ANGPTL1: variants seen among roughly 807,000 people sequenced by gnomAD.
ANGPTL1 encodes angiopoietin-related protein 1.
In ANGPTL1, 36 loss-of-function variants were observed where a neutral mutation model predicts 46.7. That is an observed-to-expected ratio of 0.77 (90% CI 0.59 to 1.02). The LOEUF (loss-of-function observed/expected upper bound fraction) is 1.02. ANGPTL1 is among the 50% of genes least tolerant of loss of function. The pLI, the probability that ANGPTL1 is intolerant of heterozygous loss-of-function variation, is 0.00. For synonymous variants in ANGPTL1, 221 were observed against 204.3 expected, an observed-to-expected ratio of 1.08 and a Z score of -0.69; for missense variants, 571 against 594.7, an observed-to-expected ratio of 0.96 and a Z score of 0.41.
chr1:178,857,249 G>C (rs1375124983), intron 3 of ANGPTL1, among the ~76,000 whole-genome samples: 1 of 152,158 alleles, frequency 6.6e-6, no homozygotes, highest in Admixed American at 6.5e-5. Context: ...CTTTCAGTAT[G>C]TATCCACAGT....
Position 178,865,501 on chromosome 1 carries a change from G to GAGCA in ANGPTL1, c.272_275dup (p.Ser93AlafsTer24). On this transcript the variant is annotated frameshift_variant, in exon 3 of 6. Transcript: ENST00000234816. LOFTEE classifies it high-confidence loss of function. ...CATCTATCTCCCGCTTCTGCCTGGA[G>GAGCA]AGCACATCCTTCAGGTTTTCAAGGT... 1 of 1,614,064 alleles carries GAGCA rather than the reference G, an allele frequency of 6.2e-7. No homozygotes were observed.
intron 2 of ANGPTL1, among the ~76,000 whole-genome samples, chr1:178,866,964 G>C (rs560468955): frequency 7.9e-5 from 12 of 152,194 alleles, no homozygotes; most frequent in Admixed American, 6.6e-4. Context: ...TGTTCACTCT[G>C]TCAGATCTAC....
chr1:178,856,198 G>GATATATATATATATAT (rs1232946834), intron 3 of ANGPTL1, among the ~76,000 whole-genome samples: 7 of 47,266 alleles, frequency 1.5e-4, no homozygotes, highest in African/African-American at 4.3e-4. Flanking sequence ...TCCAGAGAGA[G>GATATATATATATATAT]AGAGATATAT....
At position 178,853,691 on chromosome 1, in the gene ANGPTL1, A is replaced by G; in HGVS notation, c.920T>C (p.Leu307Ser). The G allele has an allele frequency of 6.2e-7, 1 of 1,613,192 alleles. No individual in the cohort carries two copies. Among genetic ancestry groups the G allele is most frequent in the African/African-American group, 1.3e-5 (1 of 74,918 alleles). The change falls in exon 4 of 6, where the codon TTA becomes TCA. Residue 307 changes from leucine (L) to serine (S), a missense_variant. Physicochemically the swap from Leu to Ser is moderately radical, Grantham distance 145 (BLOSUM62 -2). Transcript: ENST00000234816. ...KPENSNGPMQLWCENSLDPGG... is the reference protein window; with the variant it reads ...KPENSNGPMQSWCENSLDPGG... Reference sequence around the variant, plus strand: ...AGGGTCCAAACTGTTTTCACACCATAACTGCATTGGTCCATTGCTGTTTTC... The same window carrying G: ...AGGGTCCAAACTGTTTTCACACCATGACTGCATTGGTCCATTGCTGTTTTC...
chr1:178,866,190 G>A (rs145980210), intron 2 of ANGPTL1, among the ~76,000 whole-genome samples: 1 of 152,066 alleles, frequency 6.6e-6, no homozygotes, highest in African/African-American at 2.4e-5. Context: ...TATGAAAATG[G>A]TACACAGTGT....
intron 2 of ANGPTL1, among the ~76,000 whole-genome samples, chr1:178,867,204 G>A (rs1384087104): frequency 6.6e-6 from 1 of 152,098 alleles, no homozygotes; most frequent in African/African-American, 2.4e-5. Flanking sequence ...TTCAGTGTTA[G>A]GCACTGTTTT....
In ANGPTL1 at chr1:178,851,410, T is replaced by TA; in HGVS notation, c.1289-95_1289-94insT. 8.9e-6 allele frequency: 10 copies of TA among 1,127,800 alleles called. No homozygotes were observed. The South Asian group carries it at 2.2e-4, about 25-fold the overall frequency. The allele number at this position is 1,127,800 out of a possible 1,614,324, so 69.9% of individuals were successfully genotyped here. On this transcript the variant is annotated intron_variant, in intron 5 of 5. Transcript: ENST00000234816. Reference sequence around the variant, plus strand: ...AACTTATTCTACCTTTAATTTGAACTTCCCTTACTAATCCCAGTTACCTTT... The same window carrying TA: ...AACTTATTCTACCTTTAATTTGAACTATCCCTTACTAATCCCAGTTACCTTT...
At position 178,864,938 on chromosome 1, in the gene ANGPTL1, G is replaced by A. The variant is rs757818010; in HGVS notation, c.823+16C>T. On this transcript the variant is annotated intron_variant, in intron 3 of 5. Coordinates refer to ENST00000234816, the MANE Select transcript of ANGPTL1 (RefSeq NM_004673.4). ...AAACCTCATACTCCCACTTTTTACA[G>A]TAAGAGGTAACTCACCTTCATTGAT... is the stretch of plus-strand genomic sequence containing the variant. 166 of 1,419,774 alleles carry A rather than the reference G, an allele frequency of 1.2e-4. No homozygotes were observed. The highest frequency in any genetic ancestry group is 1.5e-4 in the Non-Finnish European group (160 of 1,083,706). 87.9% of individuals were successfully genotyped at this position (1,419,774 alleles called of 1,614,324 possible). A position where few individuals can be genotyped will look rare whatever the true frequency, so the allele number is the denominator to read the frequency against.
intron 3 of ANGPTL1, among the ~76,000 whole-genome samples, chr1:178,862,593 T>TTTTATTTATTTA (rs57690079): frequency 1.2e-3 from 175 of 140,756 alleles, no homozygotes; most frequent in East Asian, 3.8e-3. Context: ...GTTGCATTTT[T>TTTTATTTATTTA]TTTATTTATT....
chr1:178,858,952 A>C lies in ANGPTL1; in HGVS notation c.824-5165T>G, dbSNP rs3820166. On this transcript the variant is annotated intron_variant, in intron 3 of 5. Transcript: ENST00000234816. ...AGAGCTTTCAAATTATTGGTTACCA[A>C]GTAGGATCTTTTGAGAGGTAAACTT... Among the ~76,000 whole-genome samples the C allele has an allele frequency of 9.2e-5, 14 of 152,356 alleles. No homozygotes were observed. The East Asian group carries it at 1.7e-3, about 19-fold the overall frequency.
At chr1:178,863,945 G>A (rs1658210186) in intron 3 of ANGPTL1, among the ~76,000 whole-genome samples, 1 of 152,102 alleles carries the variant, frequency 6.6e-6, no homozygotes, top group Non-Finnish European at 1.5e-5. Flanking sequence ...CATAGTATAT[G>A]TTTTATGTCC....
In ANGPTL1 at chr1:178,850,505, GTT is replaced by G. The variant is rs61036775; in HGVS notation, c.*622_*623del. The G allele has an allele frequency of 6.6e-6, 1 of 150,730 alleles. No homozygotes were observed. Among genetic ancestry groups the G allele is most frequent in the East Asian group, 1.9e-4 (1 of 5,162 alleles). 9.3% of individuals were successfully genotyped at this position (150,730 alleles called of 1,614,324 possible). On this transcript the variant is annotated 3_prime_UTR_variant, in exon 6 of 6. Coordinates refer to ENST00000234816, the MANE Select transcript of ANGPTL1 (RefSeq NM_004673.4). Reference sequence around the variant, plus strand: ...TAAATTATGCATGCATTATTTTTGGGTTTTTTTTTATTTTTAAAAATGATATG... The same window carrying G: ...TAAATTATGCATGCATTATTTTTGGGTTTTTTTATTTTTAAAAATGATATG...
chr1:178,865,929 C>A, intron 2 of ANGPTL1, 127 bp from the exon 3 acceptor site: 1 of 537,150 alleles, frequency 1.9e-6, no homozygotes, highest in Admixed American at 3.7e-5. Flanking sequence ...ATAGATTAGG[C>A]TAGAATTAAC....
intron 5 of ANGPTL1, among the ~76,000 whole-genome samples, chr1:178,851,692 G>C (rs1382885165): frequency 6.6e-6 from 1 of 152,074 alleles, no homozygotes; most frequent in Non-Finnish European, 1.5e-5. Flanking sequence ...AAATAAAATA[G>C]CAAAAAATAA....
intron 2 of ANGPTL1, among the ~76,000 whole-genome samples, chr1:178,867,243 A>G (rs1290113580): frequency 2.0e-5 from 3 of 152,112 alleles, no homozygotes; most frequent in Non-Finnish European, 4.4e-5. Context: ...ACTTATCACC[A>G]CAACCCTATG....
At chr1:178,851,400 T>A in intron 5 of ANGPTL1, 84 bp from the exon 6 acceptor site, 1 of 1,233,050 alleles carries the variant, frequency 8.1e-7, no homozygotes, top group Non-Finnish European at 1.1e-6. Context: ...ATTCTACCTT[T>A]AATTTGAACT....
rs1658601316 is a variant in ANGPTL1, at chr1:178,869,225, T to C, written c.-136-2A>G. On this transcript the variant is annotated splice_acceptor_variant, in intron 1 of 5. Coordinates refer to ENST00000234816, the MANE Select transcript of ANGPTL1 (RefSeq NM_004673.4). LOFTEE classifies it low-confidence loss of function (5UTR_SPLICE). ...TCTTCATAGTTGCTATATTGCCAGC[T>C]AGTAGAGAGAAGAAACGAAAGTCAG... is the stretch of plus-strand genomic sequence containing the variant. 6.6e-6 allele frequency: 1 copy of C among 152,062 alleles called. No homozygotes were observed. The highest frequency in any genetic ancestry group is 1.5e-5 in the Non-Finnish European group (1 of 67,946). 9.4% of individuals were successfully genotyped at this position (152,062 alleles called of 1,614,324 possible).
At chr1:178,851,749 G>A (rs1182712222) in intron 5 of ANGPTL1, among the ~76,000 whole-genome samples, 1 of 152,084 alleles carries the variant, frequency 6.6e-6, no homozygotes, top group Non-Finnish European at 1.5e-5. Flanking sequence ...CTGTAAATAA[G>A]ACATATGTTA....
intron 2 of ANGPTL1, among the ~76,000 whole-genome samples, chr1:178,866,599 C>T (rs1036597220): frequency 6.6e-5 from 10 of 152,116 alleles, no homozygotes; most frequent in Non-Finnish European, 1.5e-4. Context: ...TAATTTTCTA[C>T]AACCATTACC....
Sources: gnomAD v4.1 joint callset for allele counts (sites outside exome capture counted in the v4.1 genomes callset) on GRCh38, gnomAD v4.1.1 for gene constraint, MANE v1.5 for transcripts, NCBI Gene and HGNC (gene_info 2026-07-23, HGNC 2026-07-21) for gene names.